The following SHANK2 variants were observed in gnomAD, a reference collection of about 807,000 sequenced individuals.
SHANK2 encodes SH3 and multiple ankyrin repeat domains 2.
SHANK2 carries 43 observed loss-of-function variants against 133.7 expected under a neutral mutation model. The ratio of observed to expected loss-of-function variants is 0.32; its 90% CI spans 0.25 to 0.41. The LOEUF (loss-of-function observed/expected upper bound fraction) is 0.41, where lower values mean the gene tolerates loss of function less well. SHANK2 is among the 10% of genes least tolerant of loss of function. The probability of loss-of-function intolerance (pLI) is 1.00; values close to 1 mark genes in which losing one functional copy is unlikely to be tolerated. For synonymous variants in SHANK2, 1,017 were observed against 952.8 expected (o/e 1.07, Z -1.24); for missense variants, 1,994 against 2,235.8 (o/e 0.89, Z 2.18).
chr11:70,616,842 C>T (rs1287681594), intron 17 of SHANK2, among the ~76,000 whole-genome samples: 3 of 152,166 alleles, frequency 2.0e-5, no homozygotes, highest in East Asian at 1.9e-4. Flanking sequence ...GGGCGTCCCC[C>T]GACAGGGGCC....
intron 11 of SHANK2, among the ~76,000 whole-genome samples, chr11:70,840,763 A>T (rs1057224688): frequency 5.9e-5 from 9 of 152,048 alleles, no homozygotes; most frequent in Non-Finnish European, 8.8e-5. Flanking sequence ...CAGACTCAGG[A>T]TCTCCCTCCT....
intron 6 of SHANK2, among the ~76,000 whole-genome samples, chr11:71,106,689 C>T (rs189733816): frequency 6.6e-6 from 1 of 152,174 alleles, no homozygotes; most frequent in Admixed American, 6.5e-5. Flanking sequence ...TATGGTGGCA[C>T]GTGCCTGTAG....
chr11:71,117,153 G>A (rs1951994413), intron 4 of SHANK2, among the ~76,000 whole-genome samples: 1 of 152,154 alleles, frequency 6.6e-6, no homozygotes, highest in African/African-American at 2.4e-5. Flanking sequence ...CCGAGTAGCT[G>A]GGATTACAGG....
chr11:70,929,784 G>A (rs960287069), intron 10 of SHANK2, among the ~76,000 whole-genome samples: 56 of 152,130 alleles, frequency 3.7e-4, no homozygotes, highest in African/African-American at 1.3e-3. Flanking sequence ...CAGGTTTGGG[G>A]GATTAGGATG....
intron 13 of SHANK2, among the ~76,000 whole-genome samples, chr11:70,800,320 C>T (rs1307536154): frequency 6.6e-6 from 1 of 152,250 alleles, no homozygotes; most frequent in African/African-American, 2.4e-5. Flanking sequence ...GCCACTGCGC[C>T]GGTCTGTATC....
intron 8 of SHANK2, among the ~76,000 whole-genome samples, chr11:71,091,328 C>T (rs894000386): frequency 3.3e-5 from 5 of 152,168 alleles, no homozygotes; most frequent in African/African-American, 1.2e-4. Context: ...CCAGAACTGA[C>T]CTAGCACAAG....
At chr11:70,661,910 G>T in intron 15 of SHANK2, 1 of 1,171,104 alleles carries the variant, frequency 8.5e-7, no homozygotes, top group Non-Finnish European at 1.2e-6. Flanking sequence ...GTGGGGGCAG[G>T]CAGAGCCGGA....
intron 15 of SHANK2, among the ~76,000 whole-genome samples, chr11:70,679,046 G>A (rs1308005732): frequency 6.6e-6 from 1 of 152,126 alleles, no homozygotes; most frequent in Non-Finnish European, 1.5e-5. Flanking sequence ...ACATGACTGG[G>A]AAGAAGAAGA....
rs2058625520 is a variant in SHANK2, at chr11:70,473,587, C to T, written c.4980-148G>A. ...CCACTGGCAGTGAACGAATGATTTG[C>T]CATGCCAGGGTGGGGGAGGGGGAGA... On this transcript the variant is annotated intron_variant, in intron 25 of 25. Transcript: ENST00000601538. The surrounding 1 kb of genome is among the most constrained non-coding windows in gnomAD (Gnocchi z 5.9). The T allele has an allele frequency of 3.7e-6, 3 of 812,818 alleles. No homozygotes were observed. The highest frequency in any genetic ancestry group is 1.4e-5 in the South Asian group (1 of 69,026). The allele number at this position is 812,818 out of a possible 1,614,324, so 50.4% of individuals were successfully genotyped here.
At chr11:71,243,466 G>A (rs968830525) in intron 1 of SHANK2, among the ~76,000 whole-genome samples, 1 of 152,118 alleles carries the variant, frequency 6.6e-6, no homozygotes, top group African/African-American at 2.4e-5. Context: ...AGGCTGAGGC[G>A]GGCGGATCAC....
intron 2 of SHANK2, among the ~76,000 whole-genome samples, chr11:71,193,649 G>A (rs535306796): frequency 4.6e-5 from 7 of 152,194 alleles, no homozygotes; most frequent in Admixed American, 1.3e-4. Flanking sequence ...AGCCTGCTCC[G>A]GCCCTGGGCA....
At chr11:71,067,343 C>T (rs892735740) in intron 9 of SHANK2, among the ~76,000 whole-genome samples, 1 of 152,188 alleles carries the variant, frequency 6.6e-6, no homozygotes, top group African/African-American at 2.4e-5. Context: ...GACAAATTGG[C>T]CTAGCCTAGT....
chr11:71,179,148 CA>C (rs2135539079), intron 2 of SHANK2, among the ~76,000 whole-genome samples: 1 of 152,288 alleles, frequency 6.6e-6, no homozygotes, highest in African/African-American at 2.4e-5. Flanking sequence ...CACAGACCAA[CA>C]TTCTTCATGA....
At chr11:70,920,105 C>T (rs1490604238) in intron 10 of SHANK2, among the ~76,000 whole-genome samples, 1 of 152,212 alleles carries the variant, frequency 6.6e-6, no homozygotes. Context: ...ACAGACCCTA[C>T]CTCATAGGGC....
At chr11:71,242,925 A>C (rs1954914165) in intron 1 of SHANK2, among the ~76,000 whole-genome samples, 1 of 152,268 alleles carries the variant, frequency 6.6e-6, no homozygotes, top group Non-Finnish European at 1.5e-5. Flanking sequence ...TATTTTACAA[A>C]TGCACAAATA....
chr11:71,108,968 C>T (rs1176073684), intron 6 of SHANK2, among the ~76,000 whole-genome samples: 1 of 152,164 alleles, frequency 6.6e-6, no homozygotes, highest in Non-Finnish European at 1.5e-5. Context: ...GTCGAGGGGG[C>T]TCCCACAAAT....
At chr11:70,530,089 A>G (rs1554972888) in intron 17 of SHANK2, among the ~76,000 whole-genome samples, 1 of 152,220 alleles carries the variant, frequency 6.6e-6, no homozygotes, top group Admixed American at 6.5e-5. Flanking sequence ...GCAGGGACTC[A>G]AGCAGATATT....
chr11:70,772,169 G>A (rs891475012), intron 14 of SHANK2, among the ~76,000 whole-genome samples: 100 of 152,144 alleles, frequency 6.6e-4, no homozygotes, highest in African/African-American at 2.3e-3. Context: ...TATTGGTGTG[G>A]TGCCTCACGC....
intron 4 of SHANK2, among the ~76,000 whole-genome samples, chr11:71,117,501 G>T (rs1406276099): frequency 2.6e-5 from 4 of 152,206 alleles, no homozygotes; most frequent in Admixed American, 6.5e-5. Context: ...CTTCCAGGAT[G>T]GGGGCTGGTG....
Sources: gnomAD v4.1 joint callset for allele counts (sites outside exome capture counted in the v4.1 genomes callset) on GRCh38, gnomAD v4.1.1 for gene constraint, Gnocchi (gnomAD v3.1) non-coding constraint, MANE v1.5 for transcripts, NCBI Gene and HGNC (gene_info 2026-07-23, HGNC 2026-07-21) for gene names.